The following SETX variants were observed in gnomAD, a reference collection of about 807,000 sequenced individuals.
SETX encodes helicase senataxin.
SETX carries 90 observed loss-of-function variants against 227.2 expected under a neutral mutation model. The ratio of observed to expected loss-of-function variants is 0.40; its 90% CI spans 0.33 to 0.47. The LOEUF (loss-of-function observed/expected upper bound fraction) is 0.47. SETX is among the 20% of genes least tolerant of loss of function. SETX has a pLI of 0.91. For missense variants in SETX, 3,052 were observed against 3,181.5 expected (o/e 0.96, Z 0.98); for synonymous variants, 1,210 against 1,113.2 (o/e 1.09, Z -1.73).
rs549239886 is a variant in SETX, at chr9:132,306,439, C to T, written c.5374+5318G>A. 5.3e-5 allele frequency among the ~76,000 whole-genome samples: 8 copies of T among 152,216 alleles called. No homozygotes were observed. In the East Asian group the frequency reaches 9.6e-4, roughly 18 times the overall value. On this transcript the variant is annotated intron_variant, in intron 11 of 25. Coordinates refer to ENST00000224140, the MANE Select transcript of SETX (RefSeq NM_015046.7). ...GCTGGCCAGGATGGTCTCGAACTCC[C>T]GACCTCAGGTGATCCACCAGCCTTG...
At chr9:132,351,731 T>C (rs1848613506) in intron 2 of SETX, among the ~76,000 whole-genome samples, 1 of 152,180 alleles carries the variant, frequency 6.6e-6, no homozygotes, top group South Asian at 2.1e-4. Context: ...AAGGAGAAAA[T>C]TATTGCTTCT....
chr9:132,268,535 A>C (rs951289011), intron 25 of SETX, among the ~76,000 whole-genome samples: 7 of 150,622 alleles, frequency 4.6e-5, no homozygotes, highest in African/African-American at 1.5e-4. Context: ...AGAGGTGTAG[A>C]TCAGTGAGAT....
intron 11 of SETX, among the ~76,000 whole-genome samples, chr9:132,306,315 C>A (rs1443869739): frequency 6.6e-6 from 1 of 152,196 alleles, no homozygotes; most frequent in Non-Finnish European, 1.5e-5. Flanking sequence ...TGCGTTCAAG[C>A]AATTCTCCTG....
rs757533418 is a variant in SETX at position 132,329,414 on chromosome 9, T to G, written c.2184A>C (p.Ser728=). The G allele has an allele frequency of 6.2e-7, 1 of 1,613,820 alleles. No homozygotes were observed. The highest frequency in any genetic ancestry group is 8.5e-7 in the Non-Finnish European group (1 of 1,179,978). ...ISSYTPKDCT[S]RNGPERGCDR... is the part of the protein sequence containing the mutation. ...CACATCCCCTTTCTGGACCATTTCT[T>G]GAAGTACAGTCCTTTGGTGTATATG... Residue 728 remains serine (S), a synonymous_variant, in exon 10 of 26, where the codon TCA becomes TCC. Transcript: ENST00000224140.
intron 23 of SETX, 100 bp downstream of exon 23, chr9:132,275,156 C>T: frequency 7.5e-7 from 1 of 1,337,020 alleles, no homozygotes; most frequent in Non-Finnish European, 1.1e-6. Context: ...CACCAATTTG[C>T]ACAGACCACT....
At chr9:132,318,285 C>T (rs567355243) in intron 10 of SETX, among the ~76,000 whole-genome samples, 1 of 152,292 alleles carries the variant, frequency 6.6e-6, no homozygotes, top group South Asian at 2.1e-4. Flanking sequence ...ATTTAATATG[C>T]TTATAGCTAA....
At chr9:132,337,805 C>G (rs1847720293) in intron 5 of SETX, among the ~76,000 whole-genome samples, 1 of 152,188 alleles carries the variant, frequency 6.6e-6, no homozygotes, top group Non-Finnish European at 1.5e-5. Context: ...AGGCAAGACA[C>G]ATTAATGAAT....
rs1462112164 is a variant in SETX, at chr9:132,327,930, G to A, written c.3668C>T (p.Ser1223Phe). Residue 1223 changes from serine (S) to phenylalanine (F), a missense_variant, in exon 10 of 26, where the codon TCT becomes TTT. Physicochemically the swap from Ser to Phe is radical, Grantham distance 155. Coordinates refer to ENST00000224140, the MANE Select transcript of SETX (RefSeq NM_015046.7). ...QRATTVSQKK[S>F]SKLCTCTEPI... ...TTCTGTACAAGTACAAAGCTTTGAA[G>A]ACTTCTTTTGTGAAACCGTAGTGGC... The A allele has an allele frequency of 6.2e-7, 1 of 1,613,992 alleles. No homozygotes were observed. The highest frequency in any genetic ancestry group is 2.2e-5 in the East Asian group (1 of 44,896).
chr9:132,342,672 C>T lies in SETX; in HGVS notation c.498+18G>A. 1 of 1,518,830 alleles carries T rather than the reference C, an allele frequency of 6.6e-7. No homozygotes were observed. The highest frequency in any genetic ancestry group is 9.1e-7 in the Non-Finnish European group (1 of 1,093,030). 94.1% of individuals were successfully genotyped at this position (1,518,830 alleles called of 1,614,324 possible). ...AAAAGCACAATATACCCTTCTATCG[C>T]CCAACACTCACACTCACCATTTCAT... is the stretch of plus-strand genomic sequence containing the variant. On this transcript the variant is annotated intron_variant, in intron 5 of 25. Coordinates refer to ENST00000224140, the MANE Select transcript of SETX (RefSeq NM_015046.7).
chr9:132,318,378 C>T (rs1846122256), intron 10 of SETX, among the ~76,000 whole-genome samples: 1 of 152,218 alleles, frequency 6.6e-6, no homozygotes, highest in African/African-American at 2.4e-5. Flanking sequence ...AGTGACTACA[C>T]TCCAGACAGG....
At chr9:132,316,903 G>A (rs1639401459) in intron 10 of SETX, among the ~76,000 whole-genome samples, 1 of 152,152 alleles carries the variant, frequency 6.6e-6, no homozygotes, top group African/African-American at 2.4e-5. Context: ...TTTTCAAAGT[G>A]ACTTTATTAT....
At chr9:132,298,764 C>T (rs763542467) in intron 12 of SETX, among the ~76,000 whole-genome samples, 1 of 152,032 alleles carries the variant, frequency 6.6e-6, no homozygotes, top group Non-Finnish European at 1.5e-5. Flanking sequence ...AGGGAGAAGG[C>T]TAACATGGAT....
intron 11 of SETX, among the ~76,000 whole-genome samples, chr9:132,302,681 C>CAAAA (rs57673567): frequency 9.2e-4 from 72 of 78,500 alleles, no homozygotes; most frequent in Non-Finnish European, 1.4e-3. Flanking sequence ...AAAAAAAAAG[C>CAAAA]AAAAAAAAAA....
rs1454489752 is a variant in SETX, at chr9:132,297,697, T to G, written c.5781+383A>C. Among the ~76,000 whole-genome samples, 11 of 152,250 alleles carry G rather than the reference T, an allele frequency of 7.2e-5. 1 individual carries two copies. Among genetic ancestry groups the G allele is most frequent in the Admixed American group, 7.2e-4 (11 of 15,286 alleles). ...ATTTCTCTGTTAACTTCCTAGAGTT[T>G]ATACACAGCTTCACATGTTCAGTTG... On this transcript the variant is annotated intron_variant, in intron 13 of 25. Coordinates refer to ENST00000224140, the MANE Select transcript of SETX (RefSeq NM_015046.7).
At chr9:132,336,060 G>A (rs1349205408) in intron 6 of SETX, among the ~76,000 whole-genome samples, 4 of 152,092 alleles carry the variant, frequency 2.6e-5, no homozygotes, top group Non-Finnish European at 5.9e-5. Flanking sequence ...TGGCCAACAT[G>A]GTGAAACCCC....
At chr9:132,341,188 G>A (rs977506273) in intron 5 of SETX, among the ~76,000 whole-genome samples, 1 of 151,772 alleles carries the variant, frequency 6.6e-6, no homozygotes, top group African/African-American at 2.4e-5. Flanking sequence ...CTCTACTTCC[G>A]GCGTGGGCAA....
At chr9:132,296,085 T>G in intron 14 of SETX, 57 bp from the exon 15 acceptor site, 24 of 1,586,470 alleles carry the variant, frequency 1.5e-5, no homozygotes, top group Non-Finnish European at 1.7e-5. Context: ...GGGTGAGCTC[T>G]ATTACATAGC....
Position 132,326,645 on chromosome 9 carries a change from T to C in SETX, c.4953A>G (p.Glu1651=). The C allele has an allele frequency of 6.2e-7, 1 of 1,614,206 alleles. No individual in the cohort carries two copies. Among genetic ancestry groups the C allele is most frequent in the Non-Finnish European group, 8.5e-7 (1 of 1,180,040 alleles). The part of the protein sequence containing the change: ...VPLIAQKPVG[E]MKNSCNVLHP... The stretch of plus-strand genomic sequence containing the variant: ...GAAGAACATTGCACGAATTCTTCAT[T>C]TCACCAACTGGCTTCTGAGCTATGA... Residue 1651 remains glutamate (E), a synonymous_variant, in exon 10 of 26, where the codon GAA becomes GAG. Transcript: ENST00000224140.
In SETX at chr9:132,329,644, C is replaced by T; in HGVS notation, c.1954G>A (p.Val652Met). 2 of 1,613,802 alleles carry T rather than the reference C, an allele frequency of 1.2e-6. No homozygotes were observed. The highest frequency in any genetic ancestry group is 2.2e-5 in the East Asian group (1 of 44,876). ...GCTTTGATCAATACACTGTCTTGCA[C>T]TTTCATTGGTTCTTTAGAAAATGTT... Reference protein sequence around the residue: ...SPTFSKEPMKVQDSVLIKADN... With the variant: ...SPTFSKEPMKMQDSVLIKADN... Residue 652 changes from valine to methionine, a missense_variant, in exon 10 of 26, where the codon GTG becomes ATG. This residue lies in a region of SETX where 1,483 missense variants were observed against 1,312.0 expected (regional missense o/e 1.13). Transcript: ENST00000224140.
Sources: gnomAD v4.1 joint callset for allele counts (sites outside exome capture counted in the v4.1 genomes callset) on GRCh38, gnomAD v4.1.1 for gene constraint, gnomAD v4.1.1 regional missense constraint, MANE v1.5 for transcripts, NCBI Gene and HGNC (gene_info 2026-07-23, HGNC 2026-07-21) for gene names.